KAZN: variants seen among roughly 807,000 people sequenced by gnomAD.
KAZN encodes the protein kazrin, periplakin interacting protein.
In KAZN, 40 loss-of-function variants were observed where a neutral mutation model predicts 87.4. The ratio of observed to expected loss-of-function variants is 0.46; its 90% CI spans 0.36 to 0.60. The LOEUF is 0.60. KAZN is among the 20% of genes least tolerant of loss of function. The pLI is 0.00. For synonymous variants in KAZN, 466 were observed against 458.3 expected (o/e 1.02, Z -0.22); for missense variants, 898 against 1,073.9 (o/e 0.84, Z 2.29).
chr1:14,108,344 G>C (rs996871404), intron 1 of KAZN, among the ~76,000 whole-genome samples: 13 of 152,310 alleles, frequency 8.5e-5, no homozygotes, highest in African/African-American at 2.9e-4. Flanking sequence ...GTTTAGGGAA[G>C]AGTGTGTCTC....
intron 1 of KAZN, among the ~76,000 whole-genome samples, chr1:14,149,624 A>G (rs537488637): frequency 6.6e-6 from 1 of 152,178 alleles, no homozygotes; most frequent in Non-Finnish European, 1.5e-5. Context: ...TCTGATTTAT[A>G]TCTCATGGAA....
chr1:14,989,935 T>C (rs1431306623), intron 2 of KAZN, among the ~76,000 whole-genome samples: 1 of 152,188 alleles, frequency 6.6e-6, no homozygotes, highest in Non-Finnish European at 1.5e-5. Flanking sequence ...TAGGCATCGA[T>C]GTTTAACCAG....
At chr1:13,961,994 C>T (rs770853152) in intron 1 of KAZN, among the ~76,000 whole-genome samples, 37 of 152,192 alleles carry the variant, frequency 2.4e-4, no homozygotes, top group Admixed American at 3.9e-4. Context: ...CTTCTCACCG[C>T]GTGAGCTCCT....
At chr1:14,887,610 A>G (rs1572735225) in intron 1 of KAZN, among the ~76,000 whole-genome samples, 1 of 146,976 alleles carries the variant, frequency 6.8e-6, no homozygotes, top group African/African-American at 2.5e-5. Flanking sequence ...GCAATTTTCC[A>G]CCCCCAAGAC....
At chr1:14,514,595 TTATATATATATATATATATATA>T (rs754845099) in intron 2 of KAZN, among the ~76,000 whole-genome samples, 1,107 of 66,490 alleles carry the variant, frequency 0.017, 117 homozygotes, top group African/African-American at 0.073. Flanking sequence ...TTTTTATATT[TTATATATATATATATATATATA>T]TATATATATA....
intron 2 of KAZN, among the ~76,000 whole-genome samples, chr1:14,331,647 T>C (rs1027977497): frequency 6.6e-6 from 1 of 152,188 alleles, no homozygotes; most frequent in Non-Finnish European, 1.5e-5. Flanking sequence ...ATTTAGTTAA[T>C]TCATTTTTGT....
At chr1:14,219,802 T>G (rs565229808) in intron 2 of KAZN, among the ~76,000 whole-genome samples, 4 of 152,324 alleles carry the variant, frequency 2.6e-5, no homozygotes, top group African/African-American at 7.2e-5. Flanking sequence ...GTGCTCTTAC[T>G]TTAAAAACCA....
At chr1:14,325,176 C>CCT (rs140069030) in intron 2 of KAZN, among the ~76,000 whole-genome samples, 1 of 151,284 alleles carries the variant, frequency 6.6e-6, no homozygotes, top group African/African-American at 2.4e-5. Context: ...TTGTGCTCTC[C>CCT]CTCTCTCTCT....
chr1:14,753,932 TC>T (rs1644483935), intron 1 of KAZN, among the ~76,000 whole-genome samples: 2 of 152,338 alleles, frequency 1.3e-5, no homozygotes, highest in East Asian at 3.9e-4. Flanking sequence ...TGTGTCCTCC[TC>T]CTCCTTCTCC....
At chr1:13,897,393 T>C (rs1639084845) in intron 1 of KAZN, among the ~76,000 whole-genome samples, 1 of 152,180 alleles carries the variant, frequency 6.6e-6, no homozygotes, top group South Asian at 2.1e-4. Flanking sequence ...CTCTGAAAGA[T>C]GCTTATTTGC....
At chr1:14,924,716 C>G (rs777420722) in intron 1 of KAZN, 230 of 331,002 alleles carry the variant, frequency 6.9e-4, no homozygotes, top group Non-Finnish European at 8.8e-4. Flanking sequence ...CCCCGAGCCC[C>G]GGGCGGGTGC....
intron 1 of KAZN, among the ~76,000 whole-genome samples, chr1:14,890,757 A>G (rs1654617760): frequency 6.7e-6 from 1 of 150,214 alleles, no homozygotes; most frequent in Admixed American, 6.7e-5. Context: ...TCAAACTCCT[A>G]CGCTCAAGTA....
intron 2 of KAZN, among the ~76,000 whole-genome samples, chr1:14,278,170 CAAAAAAAAAAA>C (rs34057998): frequency 1.8e-5 from 1 of 55,880 alleles, no homozygotes; most frequent in African/African-American, 4.8e-5. Flanking sequence ...AACTCTGTCT[CAAAAAAAAAAA>C]AAAAAAAAAC....
At chr1:15,002,871 G>T (rs1668630475) in intron 2 of KAZN, among the ~76,000 whole-genome samples, 1 of 152,016 alleles carries the variant, frequency 6.6e-6, no homozygotes, top group African/African-American at 2.4e-5. Flanking sequence ...AGCTACTCAG[G>T]AGGCTAAGAC....
At chr1:14,690,534 G>A (rs1345224497) in intron 1 of KAZN, among the ~76,000 whole-genome samples, 1 of 152,038 alleles carries the variant, frequency 6.6e-6, no homozygotes, top group African/African-American at 2.4e-5. Context: ...ACAGCAGAGG[G>A]AAGGGTTTTT....
intron 1 of KAZN, among the ~76,000 whole-genome samples, chr1:14,632,543 C>T (rs1679643363): frequency 6.7e-6 from 1 of 150,074 alleles, no homozygotes; most frequent in African/African-American, 2.5e-5. Flanking sequence ...AAACAAGTGC[C>T]CAGCAGGAGA....
chr1:14,956,044 G>A (rs545964448), intron 1 of KAZN, among the ~76,000 whole-genome samples: 8 of 152,322 alleles, frequency 5.3e-5, no homozygotes, highest in South Asian at 4.1e-4. Context: ...CTAACTGTGC[G>A]TCTAGGGGTG....
At chr1:14,884,767 T>C (rs1305471471) in intron 1 of KAZN, among the ~76,000 whole-genome samples, 4 of 152,176 alleles carry the variant, frequency 2.6e-5, no homozygotes, top group African/African-American at 9.7e-5. Context: ...GGTCTGGGGA[T>C]CACACTGTGA....
In KAZN at chr1:14,599,313, C is replaced by T; in HGVS notation, c.226+90C>T. 2.4e-6 allele frequency: 3 copies of T among 1,231,742 alleles called. No individual in the cohort carries two copies. The highest frequency in any genetic ancestry group is 3.2e-5 in the South Asian group (1 of 30,804). 76.3% of individuals were successfully genotyped at this position (1,231,742 alleles called of 1,614,324 possible). A position where few individuals can be genotyped will look rare whatever the true frequency, so the allele number is the denominator to read the frequency against. On this transcript the variant is annotated intron_variant, in intron 1 of 14. Coordinates refer to ENST00000376030, the MANE Select transcript of KAZN (RefSeq NM_201628.3). This position sits in a 1 kb window ranked among gnomAD's most constrained non-coding sequence, Gnocchi z 4.4. ...CCGGGGACCCGGGGTCCCCCACACC[C>T]GGGGCGAAATCGCTTTGCATTCTGG... is the stretch of plus-strand genomic sequence containing the variant.
Sources: gnomAD v4.1 joint callset for allele counts (sites outside exome capture counted in the v4.1 genomes callset) on GRCh38, gnomAD v4.1.1 for gene constraint, Gnocchi (gnomAD v3.1) non-coding constraint, MANE v1.5 for transcripts, NCBI Gene and HGNC (gene_info 2026-07-23, HGNC 2026-07-21) for gene names.